PREX2: variants seen among roughly 807,000 people sequenced by gnomAD.
PREX2 encodes phosphatidylinositol-3,4,5-trisphosphate dependent Rac exchange factor 2.
PREX2 carries 107 observed loss-of-function variants against 203.2 expected under a neutral mutation model. The ratio of observed to expected loss-of-function variants is 0.53; its 90% confidence interval spans 0.45 to 0.62. PREX2 has a LOEUF of 0.62. Among genes scored for constraint, PREX2 ranks in the 20% least tolerant of loss-of-function variants. The probability of loss-of-function intolerance (pLI) is 0.00; values close to 1 mark genes in which losing one functional copy is unlikely to be tolerated. For missense variants in PREX2, 1,777 were observed against 1,955.9 expected (o/e 0.91, Z 1.72); for synonymous variants, 672 against 663.6 (o/e 1.01, Z -0.19).
chr8:67,952,628 G>A (rs538250367), intron 1 of PREX2, 93 bp downstream of exon 1: 1 of 1,518,076 alleles, frequency 6.6e-7, no homozygotes, highest in Non-Finnish European at 9.0e-7. Flanking sequence ...CATTGTCTGT[G>A]CGGGGACCCG....
chr8:68,017,980 G>T (rs1585709087), intron 2 of PREX2, 63 bp downstream of exon 2: 1 of 1,256,722 alleles, frequency 8.0e-7, no homozygotes, highest in East Asian at 2.5e-5. Flanking sequence ...TTTTGCTGGT[G>T]CCATGGTACT....
At chr8:68,064,261 TTAAA>T (rs375844097) in intron 11 of PREX2, among the ~76,000 whole-genome samples, 107 of 152,340 alleles carry the variant, frequency 7.0e-4, no homozygotes, top group Admixed American at 1.5e-3. Flanking sequence ...GAGCTGATAA[TTAAA>T]TACATTTTGT....
Position 68,008,236 on chromosome 8 carries a change from G to A in PREX2, c.142-9610G>A, listed in dbSNP as rs190726158. Among the ~76,000 whole-genome samples the A allele has an allele frequency of 5.5e-4, 84 of 152,288 alleles. 2 individuals carry two copies. The highest frequency in any genetic ancestry group is 3.4e-3 in the Middle Eastern group (1 of 294). ...TCAAATAGTAAATTCTAAATACTCA[G>A]GATATTTTCTGGACTGTTTCTGTGC... On this transcript the variant is annotated intron_variant, in intron 1 of 39. Transcript: ENST00000288368.
rs575771378 is a variant in PREX2 at position 68,026,514 on chromosome 8, C to CTT, written c.442-700_442-699dup. 1.9e-3 allele frequency among the ~76,000 whole-genome samples: 281 copies of CTT among 151,056 alleles called. 2 individuals carry two copies. The highest frequency in any genetic ancestry group is 0.014 in the Middle Eastern group (4 of 292). ...TGCATGTTGTTTATGAAGGTAAAGG[C>CTT]TTTTTTTTTATCAGAGTCAGTTTTC... On this transcript the variant is annotated intron_variant, in intron 4 of 39. Coordinates refer to ENST00000288368, the MANE Select transcript of PREX2 (RefSeq NM_024870.4).
At chr8:68,181,900 G>T (rs1812092480) in intron 35 of PREX2, among the ~76,000 whole-genome samples, 2 of 151,982 alleles carry the variant, frequency 1.3e-5, no homozygotes, top group African/African-American at 4.8e-5. Flanking sequence ...GGTTTAGTGG[G>T]GAAATAAAAA....
chr8:68,038,381 A>G, intron 7 of PREX2, 89 bp downstream of exon 7: 4 of 1,339,594 alleles, frequency 3.0e-6, no homozygotes, highest in Middle Eastern at 1.9e-4. Context: ...TCCAGCTCAC[A>G]GTTTCTACCT....
intron 11 of PREX2, among the ~76,000 whole-genome samples, chr8:68,065,480 G>T (rs926621829): frequency 5.3e-5 from 8 of 152,160 alleles, no homozygotes; most frequent in African/African-American, 1.7e-4. Context: ...TTTTTAAAAA[G>T]AACAATTTTT....
chr8:68,060,634 G>A, intron 10 of PREX2, 45 bp from the exon 11 acceptor site: 2 of 1,371,908 alleles, frequency 1.5e-6, no homozygotes, highest in Non-Finnish European at 2.1e-6. Context: ...GACTTGCTGG[G>A]GAAAAAATTA....
intron 26 of PREX2, among the ~76,000 whole-genome samples, 164 bp from the exon 27 acceptor site, chr8:68,118,386 G>A (rs1230869996): frequency 2.0e-5 from 3 of 151,320 alleles, no homozygotes; most frequent in African/African-American, 4.9e-5. Context: ...AAAATATGCC[G>A]TCTTTAAAAA....
chr8:68,066,881 A>G (rs1255924618), intron 11 of PREX2, among the ~76,000 whole-genome samples: 1 of 152,042 alleles, frequency 6.6e-6, no homozygotes, highest in Non-Finnish European at 1.5e-5. Context: ...TTAAATCTTT[A>G]GTCTACTTGA....
At chr8:68,194,527 C>T (rs532987989) in intron 37 of PREX2, among the ~76,000 whole-genome samples, 2 of 151,892 alleles carry the variant, frequency 1.3e-5, no homozygotes, top group Admixed American at 1.3e-4. Flanking sequence ...GTGGCTCATG[C>T]CTATAATCCT....
intron 31 of PREX2, among the ~76,000 whole-genome samples, chr8:68,132,743 T>G (rs1811032578): frequency 6.6e-6 from 1 of 152,198 alleles, no homozygotes; most frequent in African/African-American, 2.4e-5. Flanking sequence ...GAAGAGTCTA[T>G]GAACCCTTGA....
chr8:68,131,686 T>C (rs1354107634), intron 31 of PREX2, among the ~76,000 whole-genome samples: 1 of 152,204 alleles, frequency 6.6e-6, no homozygotes, highest in African/African-American at 2.4e-5. Flanking sequence ...CATCTAAGTA[T>C]TCTTTTTAGG....
Position 68,223,799 on chromosome 8 carries a change from A to G in PREX2, c.4708-760A>G, listed in dbSNP as rs191519355. 2.0e-5 allele frequency among the ~76,000 whole-genome samples: 3 copies of G among 152,348 alleles called. No individual in the cohort carries two copies. The East Asian group carries it at 5.8e-4, about 29-fold the overall frequency. On this transcript the variant is annotated intron_variant, in intron 38 of 39. Transcript: ENST00000288368. Reference sequence around the variant, plus strand: ...CAGAATTACTAGATTTCATAGATCCACATGGACATAGCTTGTCCAAAAATT... The same window carrying G: ...CAGAATTACTAGATTTCATAGATCCGCATGGACATAGCTTGTCCAAAAATT...
At chr8:68,115,470 C>G (rs1420053685) in intron 25 of PREX2, among the ~76,000 whole-genome samples, 2 of 152,210 alleles carry the variant, frequency 1.3e-5, no homozygotes, top group African/African-American at 4.8e-5. Flanking sequence ...TCACAAGTGT[C>G]AAACAAAACT....
intron 8 of PREX2, among the ~76,000 whole-genome samples, chr8:68,046,186 G>T (rs1808345338): frequency 1.3e-5 from 2 of 152,000 alleles, no homozygotes; most frequent in Admixed American, 1.3e-4. Context: ...CTGAGAGATT[G>T]AATATCCACC....
At chr8:68,113,715 C>T (rs992290665) in intron 25 of PREX2, among the ~76,000 whole-genome samples, 5 of 152,276 alleles carry the variant, frequency 3.3e-5, no homozygotes, top group South Asian at 2.1e-4. Flanking sequence ...GGCAGCTTCA[C>T]GCTTCCTTCC....
At position 68,236,367 on chromosome 8, in the gene PREX2, T is replaced by A. The variant is rs531575349; in HGVS notation, c.*4989T>A. The A allele has an allele frequency of 6.6e-6, 1 of 152,332 alleles. No individual in the cohort carries two copies. Among genetic ancestry groups the A allele is most frequent in the South Asian group, 2.1e-4 (1 of 4,824 alleles). The allele number at this position is 152,332 out of a possible 1,614,324, so 9.4% of individuals were successfully genotyped here. A position where few individuals can be genotyped will look rare whatever the true frequency, so the allele number is the denominator to read the frequency against. The stretch of plus-strand genomic sequence containing the variant: ...TCATCCGAAAAATGTTTTTGAGAAT[T>A]CACTTTGTGCAAGGCACAGCTGTTG... On this transcript the variant is annotated 3_prime_UTR_variant, in exon 40 of 40. Coordinates refer to ENST00000288368, the MANE Select transcript of PREX2 (RefSeq NM_024870.4).
intron 1 of PREX2, among the ~76,000 whole-genome samples, chr8:68,017,387 A>C (rs917939170): frequency 6.6e-6 from 1 of 152,102 alleles, no homozygotes; most frequent in African/African-American, 2.4e-5. Flanking sequence ...CTATCTATCT[A>C]TCATCTATTT....
Sources: gnomAD v4.1 joint callset for allele counts (sites outside exome capture counted in the v4.1 genomes callset) on GRCh38, gnomAD v4.1.1 for gene constraint, MANE v1.5 for transcripts, NCBI Gene and HGNC (gene_info 2026-07-23, HGNC 2026-07-21) for gene names.